Variants in RPS6KC1 observed in about 807,000 individuals in gnomAD.
The protein encoded by RPS6KC1 is inactive ribosomal protein S6 kinase delta-1.
RPS6KC1 carries 54 observed loss-of-function variants against 103.8 expected under a neutral mutation model. The observed-to-expected ratio is 0.52, with a 90% confidence interval of 0.42 to 0.65. The LOEUF (loss-of-function observed/expected upper bound fraction) is 0.65. Among genes scored for constraint, RPS6KC1 ranks in the 30% least tolerant of loss-of-function variants. The probability of loss-of-function intolerance (pLI) is 0.00; values close to 1 mark genes in which losing one functional copy is unlikely to be tolerated. For missense variants in RPS6KC1, 1,151 were observed against 1,253.8 expected (o/e 0.92, Z 1.24); for synonymous variants, 439 against 438.7 (o/e 1.00, Z -0.01).
At chr1:213,566,437 G>GTTTTTGTTTTTTTTTTTTTTTTT in the RPS6KC1 span, among the ~76,000 whole-genome samples, 1 of 48,490 alleles carries the variant, frequency 2.1e-5, no homozygotes, top group Non-Finnish European at 3.7e-5. Flanking sequence ...TCAGCCTTTA[G>GTTTTTGTTTTTTTTTTTTTTTTT]TTTTTTTTTT....
the RPS6KC1 span, among the ~76,000 whole-genome samples, chr1:213,620,705 T>C: frequency 6.6e-6 from 1 of 152,238 alleles, no homozygotes; most frequent in Non-Finnish European, 1.5e-5. Context: ...TGTTACATTT[T>C]TAGTTTGCAT....
chr1:213,209,073 C>T (rs12036346), intron 8 of RPS6KC1, among the ~76,000 whole-genome samples: 1 of 152,022 alleles, frequency 6.6e-6, no homozygotes, highest in African/African-American at 2.4e-5. Context: ...CCACAACATA[C>T]TATGTTGGCT....
chr1:213,626,138 G>A, the RPS6KC1 span, among the ~76,000 whole-genome samples: 3 of 152,284 alleles, frequency 2.0e-5, no homozygotes, highest in East Asian at 3.9e-4. Context: ...GGTGTGAGGT[G>A]GTATCTCATT....
At chr1:213,386,084 G>A in the RPS6KC1 span, among the ~76,000 whole-genome samples, 1 of 152,184 alleles carries the variant, frequency 6.6e-6, no homozygotes, top group African/African-American at 2.4e-5. Flanking sequence ...CTCATGAATG[G>A]CTTGGTGCTG....
At chr1:213,743,883 C>A in the RPS6KC1 span, among the ~76,000 whole-genome samples, 1 of 152,030 alleles carries the variant, frequency 6.6e-6, no homozygotes, top group Non-Finnish European at 1.5e-5. Flanking sequence ...TTTGGTGTCC[C>A]CTGCAAACTA....
chr1:213,290,776 G>A, the RPS6KC1 span, among the ~76,000 whole-genome samples: 90 of 152,264 alleles, frequency 5.9e-4, no homozygotes, highest in African/African-American at 2.1e-3. Context: ...GGGTGCGTGA[G>A]GGACCCAAAC....
chr1:213,085,539 C>T (rs1345463022), intron 3 of RPS6KC1, among the ~76,000 whole-genome samples: 1 of 152,116 alleles, frequency 6.6e-6, no homozygotes, highest in Non-Finnish European at 1.5e-5. Flanking sequence ...AAATTATCCC[C>T]TGGATTTAGC....
the RPS6KC1 span, among the ~76,000 whole-genome samples, chr1:213,830,672 TA>T: frequency 0.015 from 1,922 of 127,698 alleles, 24 homozygotes; most frequent in African/African-American, 0.04. Flanking sequence ...TCACATTCTT[TA>T]AAAAAAAAAA....
the RPS6KC1 span, among the ~76,000 whole-genome samples, chr1:213,441,184 C>A: frequency 1.1e-4 from 17 of 152,196 alleles, no homozygotes; most frequent in South Asian, 4.1e-4. Flanking sequence ...AGCAGTTGTA[C>A]AGGAAAGTCT....
chr1:213,555,878 T>TC, the RPS6KC1 span, among the ~76,000 whole-genome samples: 2 of 152,252 alleles, frequency 1.3e-5, no homozygotes, highest in Admixed American at 1.3e-4. Flanking sequence ...TTCATCTTTT[T>TC]CTCTAAGAAT....
chr1:213,107,078 A>G (rs2148804304), intron 4 of RPS6KC1, among the ~76,000 whole-genome samples: 1 of 152,050 alleles, frequency 6.6e-6, no homozygotes, highest in African/African-American at 2.4e-5. Context: ...AGTAGTTGGG[A>G]TTACAGGTGT....
chr1:213,104,157 C>T (rs781429512), intron 3 of RPS6KC1, among the ~76,000 whole-genome samples: 14 of 152,132 alleles, frequency 9.2e-5, no homozygotes, highest in Non-Finnish European at 1.5e-4. Context: ...TCTTTAGTTT[C>T]GAATCACCAG....
the RPS6KC1 span, among the ~76,000 whole-genome samples, chr1:213,457,811 A>C: frequency 6.6e-6 from 1 of 152,210 alleles, no homozygotes; most frequent in Admixed American, 6.5e-5. Flanking sequence ...TGACATACAC[A>C]AAAGACACAG....
chr1:213,567,770 T>G, the RPS6KC1 span, among the ~76,000 whole-genome samples: 1 of 152,234 alleles, frequency 6.6e-6, no homozygotes, highest in South Asian at 2.1e-4. Flanking sequence ...TACCAGCTAG[T>G]AATTGTAATG....
At chr1:213,716,669 T>C in the RPS6KC1 span, among the ~76,000 whole-genome samples, 1 of 152,216 alleles carries the variant, frequency 6.6e-6, no homozygotes, top group Admixed American at 6.5e-5. Context: ...TGATTCTTAG[T>C]ACATTCTATA....
At chr1:213,257,054 A>G (rs2094662533) in intron 12 of RPS6KC1, among the ~76,000 whole-genome samples, 1 of 152,324 alleles carries the variant, frequency 6.6e-6, no homozygotes, top group African/African-American at 2.4e-5. Context: ...AAAAATAGTA[A>G]TAGTAAAACA....
At chr1:213,826,228 A>G in the RPS6KC1 span, among the ~76,000 whole-genome samples, 516 of 152,352 alleles carry the variant, frequency 3.4e-3, 2 homozygotes, top group Non-Finnish European at 5.0e-3. Context: ...TTTTAAGTTT[A>G]AGACTGACTA....
rs2094119216 is a variant in RPS6KC1 at position 213,232,156 on chromosome 1, A to T, written c.1126A>T (p.Arg376Ter). ...GAAAAGCAGTGAATACAGCAGGAAC[A>T]GAAAGACCATCATCCCCCGCTGTGT... ...LRKSSEYSRN[R>*]KTIIPRCVPN... Residue 376 changes from arginine (R) to a stop codon, truncating the protein, a stop_gained, in exon 10 of 15, where the codon AGA (arginine) becomes TGA (stop). Coordinates refer to ENST00000366960, the MANE Select transcript of RPS6KC1 (RefSeq NM_012424.6). LOFTEE classifies it high-confidence loss of function. The T allele has an allele frequency of 2.5e-6, 4 of 1,613,878 alleles. No individual in the cohort carries two copies. The highest frequency in any genetic ancestry group is 3.4e-6 in the Non-Finnish European group (4 of 1,179,902).
At chr1:213,670,064 T>G in the RPS6KC1 span, among the ~76,000 whole-genome samples, 2 of 152,148 alleles carry the variant, frequency 1.3e-5, no homozygotes, top group African/African-American at 4.8e-5. Flanking sequence ...TGGGTTTTAG[T>G]TTTGTCATCT....
Sources: allele counts gnomAD v4.1 joint callset (sites outside exome capture counted in the v4.1 genomes callset), GRCh38; gene constraint gnomAD v4.1.1; transcripts MANE v1.5; gene names NCBI Gene and HGNC (gene_info 2026-07-23, HGNC 2026-07-21).